Variants in SLC35F3 observed in about 807,000 individuals in gnomAD.
SLC35F3 encodes putative thiamine transporter SLC35F3.
Under a neutral mutation model 49.9 loss-of-function variants are expected in SLC35F3, and 25 were observed. The observed-to-expected ratio is 0.50, with a 90% CI of 0.37 to 0.70. The LOEUF (loss-of-function observed/expected upper bound fraction) is 0.70. Among genes scored for constraint, SLC35F3 ranks in the 30% least tolerant of loss-of-function variants. The pLI is 0.00. For synonymous variants in SLC35F3, 275 were observed against 265.4 expected (o/e 1.04, Z -0.35); for missense variants, 525 against 639.8 (o/e 0.82, Z 1.94).
At chr1:233,998,323 A>C (rs1663496031) in intron 2 of SLC35F3, among the ~76,000 whole-genome samples, 1 of 152,098 alleles carries the variant, frequency 6.6e-6, no homozygotes, top group Non-Finnish European at 1.5e-5. Context: ...CAAATATGAT[A>C]GCATCTAATT....
At chr1:234,153,753 C>A (rs1310181478) in intron 2 of SLC35F3, among the ~76,000 whole-genome samples, 5 of 152,142 alleles carry the variant, frequency 3.3e-5, no homozygotes, top group African/African-American at 4.8e-5. Flanking sequence ...CATGGCAAAA[C>A]CCCATCTCCA....
chr1:234,070,132 T>C (rs891017547), intron 2 of SLC35F3, among the ~76,000 whole-genome samples: 1 of 152,216 alleles, frequency 6.6e-6, no homozygotes, highest in African/African-American at 2.4e-5. Flanking sequence ...CCATCCTTTC[T>C]GCCCATTCTA....
intron 2 of SLC35F3, among the ~76,000 whole-genome samples, chr1:233,972,453 G>C (rs1663011462): frequency 6.6e-6 from 1 of 152,164 alleles, no homozygotes; most frequent in South Asian, 2.1e-4. Flanking sequence ...TAAGAGCACA[G>C]CTGGGATTGA....
chr1:234,323,482 G>C lies in SLC35F3; in HGVS notation c.*239G>C, dbSNP rs1053208356. 1.8e-6 allele frequency: 1 copy of C among 545,016 alleles called. No individual in the cohort carries two copies. Among genetic ancestry groups the C allele is most frequent in the African/African-American group, 1.9e-5 (1 of 53,028 alleles). 33.8% of individuals were successfully genotyped at this position (545,016 alleles called of 1,614,324 possible). A position where few individuals can be genotyped will look rare whatever the true frequency, so the allele number is the denominator to read the frequency against. On this transcript the variant is annotated 3_prime_UTR_variant, in exon 8 of 8. Transcript: ENST00000366618. This position sits in a 1 kb window ranked among gnomAD's most constrained non-coding sequence, Gnocchi z 4.5. ...TCAGTGCTTTTCCAACGAATGTAAA[G>C]TGGGTTTAAAAGTTCCCTGCGTAGA...
chr1:234,053,608 G>C (rs1664411139), intron 2 of SLC35F3, among the ~76,000 whole-genome samples: 1 of 152,144 alleles, frequency 6.6e-6, no homozygotes, highest in Non-Finnish European at 1.5e-5. Flanking sequence ...TTGCCAGTCT[G>C]TGTCTTTTAA....
At chr1:234,273,550 G>A (rs1295134116) in intron 3 of SLC35F3, among the ~76,000 whole-genome samples, 1 of 152,168 alleles carries the variant, frequency 6.6e-6, no homozygotes, top group Non-Finnish European at 1.5e-5. Flanking sequence ...CCATCTTTCA[G>A]GATCGTGAAA....
At chr1:233,974,271 G>A (rs573934029) in intron 2 of SLC35F3, among the ~76,000 whole-genome samples, 135 of 129,236 alleles carry the variant, frequency 1.0e-3, no homozygotes, top group African/African-American at 3.8e-3. Flanking sequence ...TGCAACCTCC[G>A]CCTCCTGGGT....
At chr1:234,289,072 A>G (rs1416077018) in intron 3 of SLC35F3, among the ~76,000 whole-genome samples, 1 of 152,234 alleles carries the variant, frequency 6.6e-6, no homozygotes, top group Non-Finnish European at 1.5e-5. Context: ...CACAATTTTG[A>G]GGCAGAGGCA....
chr1:234,070,805 A>G (rs1048502279), intron 2 of SLC35F3, among the ~76,000 whole-genome samples: 7 of 152,028 alleles, frequency 4.6e-5, no homozygotes, highest in African/African-American at 7.3e-5. Flanking sequence ...ACCCCATAAC[A>G]TATCAGTTCA....
At chr1:234,102,748 A>G (rs1665231830) in intron 2 of SLC35F3, among the ~76,000 whole-genome samples, 1 of 152,224 alleles carries the variant, frequency 6.6e-6, no homozygotes, top group African/African-American at 2.4e-5. Flanking sequence ...AACAAGCACA[A>G]GAGTCTAGCT....
At chr1:233,961,694 G>C (rs1042907855) in intron 2 of SLC35F3, among the ~76,000 whole-genome samples, 3 of 152,130 alleles carry the variant, frequency 2.0e-5, no homozygotes, top group African/African-American at 7.2e-5. Flanking sequence ...GGCCTCAGAT[G>C]ATCCACTTGC....
At chr1:234,029,708 G>T (rs537620908) in intron 2 of SLC35F3, among the ~76,000 whole-genome samples, 1 of 152,120 alleles carries the variant, frequency 6.6e-6, no homozygotes, top group African/African-American at 2.4e-5. Context: ...TAAAAGTTTC[G>T]ATTCTGGGCT....
chr1:234,311,108 C>T (rs1234951069), intron 4 of SLC35F3, among the ~76,000 whole-genome samples: 2 of 152,208 alleles, frequency 1.3e-5, no homozygotes, highest in Non-Finnish European at 2.9e-5. Context: ...TTGTAATTTG[C>T]AAAGCACTGT....
At chr1:234,042,380 A>G (rs1664234037) in intron 2 of SLC35F3, among the ~76,000 whole-genome samples, 1 of 152,184 alleles carries the variant, frequency 6.6e-6, no homozygotes. Flanking sequence ...AAAGGCTCCT[A>G]CCATTTCAAG....
intron 2 of SLC35F3, among the ~76,000 whole-genome samples, chr1:234,191,868 AT>A (rs1030824783): frequency 6.6e-5 from 10 of 152,300 alleles, no homozygotes; most frequent in African/African-American, 2.4e-4. Flanking sequence ...AGATGGATAA[AT>A]TCCTGGAAAT....
chr1:234,168,565 A>G (rs1386760798), intron 2 of SLC35F3, among the ~76,000 whole-genome samples: 1 of 152,246 alleles, frequency 6.6e-6, no homozygotes, highest in Non-Finnish European at 1.5e-5. Flanking sequence ...AGCTTGCCAG[A>G]AGGTCACCAT....
At chr1:234,082,359 A>G (rs141209947) in intron 2 of SLC35F3, among the ~76,000 whole-genome samples, 7 of 152,336 alleles carry the variant, frequency 4.6e-5, no homozygotes, top group East Asian at 1.9e-4. Flanking sequence ...CACAAATTCA[A>G]TTCGCTGCCT....
chr1:234,039,682 C>G (rs983079413), intron 2 of SLC35F3, among the ~76,000 whole-genome samples: 1 of 152,174 alleles, frequency 6.6e-6, no homozygotes, highest in African/African-American at 2.4e-5. Flanking sequence ...TTCATGGAAC[C>G]CATGACAGGG....
chr1:233,906,687 T>G (rs1661783188), intron 2 of SLC35F3, among the ~76,000 whole-genome samples: 1 of 152,200 alleles, frequency 6.6e-6, no homozygotes, highest in Non-Finnish European at 1.5e-5. Context: ...CTTTTATTGC[T>G]TAAAATTGAA....
Sources: allele counts gnomAD v4.1 joint callset (sites outside exome capture counted in the v4.1 genomes callset), GRCh38; gene constraint gnomAD v4.1.1; non-coding constraint Gnocchi (gnomAD v3.1); transcripts MANE v1.5; gene names NCBI Gene and HGNC (gene_info 2026-07-23, HGNC 2026-07-21).